SGMS2: variants seen among roughly 807,000 people sequenced by gnomAD.
SGMS2 encodes the protein sphingomyelin synthase 2, also known as phosphatidylcholine:ceramide cholinephosphotransferase 2.
Under a neutral mutation model 43.8 loss-of-function variants are expected in SGMS2, and 21 were observed. The observed-to-expected ratio is 0.48, with a 90% confidence interval of 0.34 to 0.69. SGMS2 has a LOEUF of 0.69. SGMS2 is among the 30% of genes least tolerant of loss of function. The probability of loss-of-function intolerance (pLI) is 0.01; values close to 1 mark genes in which losing one functional copy is unlikely to be tolerated. For synonymous variants in SGMS2, 167 were observed against 160.6 expected (o/e 1.04, Z -0.30); for missense variants, 384 against 443.2 (o/e 0.87, Z 1.20).
intron 1 of SGMS2, among the ~76,000 whole-genome samples, chr4:107,844,183 G>T (rs927029102): frequency 6.6e-6 from 1 of 152,030 alleles, no homozygotes; most frequent in Non-Finnish European, 1.5e-5. Context: ...AGTTAGCCGG[G>T]CATGGAGGTG....
At chr4:107,856,744 C>T (rs1560641086) in intron 1 of SGMS2, among the ~76,000 whole-genome samples, 1 of 152,130 alleles carries the variant, frequency 6.6e-6, no homozygotes, top group East Asian at 1.9e-4. Context: ...CTGCTTGTCC[C>T]TTTTAATGGG....
chr4:107,836,871 G>A (rs968584218), intron 1 of SGMS2, among the ~76,000 whole-genome samples: 1 of 152,146 alleles, frequency 6.6e-6, no homozygotes, highest in African/African-American at 2.4e-5. Context: ...GGCAGGGGAG[G>A]GAAGGGAGAG....
intron 1 of SGMS2, among the ~76,000 whole-genome samples, chr4:107,839,843 A>G (rs935991595): frequency 2.6e-5 from 4 of 152,124 alleles, no homozygotes; most frequent in African/African-American, 7.2e-5. Flanking sequence ...ACATTTTTGA[A>G]TATTGTTCCA....
chr4:107,883,780 A>G (rs1729541247), intron 2 of SGMS2, among the ~76,000 whole-genome samples: 1 of 152,218 alleles, frequency 6.6e-6, no homozygotes, highest in Non-Finnish European at 1.5e-5. Flanking sequence ...CCCTTAAGAT[A>G]AAGTCATAAA....
intron 2 of SGMS2, among the ~76,000 whole-genome samples, chr4:107,873,707 T>A (rs1728709208): frequency 6.6e-6 from 1 of 152,196 alleles, no homozygotes; most frequent in Non-Finnish European, 1.5e-5. Context: ...TACGATTTAC[T>A]GTTGCCACAG....
intron 1 of SGMS2, among the ~76,000 whole-genome samples, chr4:107,851,946 T>C (rs764388614): frequency 7.2e-5 from 11 of 152,168 alleles, no homozygotes; most frequent in African/African-American, 1.4e-4. Flanking sequence ...AGGAAAACTT[T>C]TAAGATTCCA....
rs3079219 is a variant in SGMS2 at position 107,838,422 on chromosome 4, A to ACTTCTT, written c.-327+13188_-327+13193dup. ...TCCACTTTACCCTGTGGGCTAGAGG[A>ACTTCTT]CTTCTTCTTCTTCTTCTTCTTCTTT... is the stretch of plus-strand genomic sequence containing the variant. On this transcript the variant is annotated intron_variant, in intron 1 of 6. Coordinates refer to ENST00000690982, the MANE Select transcript of SGMS2 (RefSeq NM_001375905.1). 7.5e-3 allele frequency among the ~76,000 whole-genome samples: 1,143 copies of ACTTCTT among 151,770 alleles called. 5 individuals are homozygous for ACTTCTT. The highest frequency in any genetic ancestry group is 0.011 in the Non-Finnish European group (732 of 67,908).
At chr4:107,854,723 C>T (rs998166419) in intron 1 of SGMS2, among the ~76,000 whole-genome samples, 19 of 152,262 alleles carry the variant, frequency 1.2e-4, no homozygotes, top group African/African-American at 2.6e-4. Flanking sequence ...GTGAGCCGAT[C>T]ATCAGAGCTG....
chr4:107,853,778 A>G (rs1287653994), intron 1 of SGMS2, among the ~76,000 whole-genome samples: 2 of 152,214 alleles, frequency 1.3e-5, no homozygotes, highest in Admixed American at 1.3e-4. Context: ...AGACAAGTAA[A>G]TCTCTACAAA....
chr4:107,901,588 C>A (rs989626844), intron 4 of SGMS2, among the ~76,000 whole-genome samples: 1 of 152,174 alleles, frequency 6.6e-6, no homozygotes, highest in Non-Finnish European at 1.5e-5. Flanking sequence ...GAAAGCTTTG[C>A]TTTCCTAGTT....
chr4:107,872,342 C>G (rs547550981), intron 2 of SGMS2, among the ~76,000 whole-genome samples: 45 of 152,154 alleles, frequency 3.0e-4, no homozygotes, highest in African/African-American at 1.0e-3. Flanking sequence ...AATAGCCACC[C>G]TTTAACGTCC....
At chr4:107,841,728 A>G (rs1012923381) in intron 1 of SGMS2, among the ~76,000 whole-genome samples, 3 of 152,002 alleles carry the variant, frequency 2.0e-5, no homozygotes, top group Non-Finnish European at 2.9e-5. Context: ...CTGTGGTGCA[A>G]TCACAGCTCA....
chr4:107,873,047 T>A (rs946236525), intron 2 of SGMS2, among the ~76,000 whole-genome samples: 1 of 152,226 alleles, frequency 6.6e-6, no homozygotes, highest in Non-Finnish European at 1.5e-5. Flanking sequence ...TTTATGATTC[T>A]ACCAGCAGCT....
chr4:107,857,487 C>T (rs1173903464), intron 1 of SGMS2, among the ~76,000 whole-genome samples: 1 of 151,066 alleles, frequency 6.6e-6, no homozygotes, highest in African/African-American at 2.4e-5. Context: ...GTACATCCTG[C>T]AGTTGTTAAA....
At chr4:107,841,652 G>C (rs985781203) in intron 1 of SGMS2, among the ~76,000 whole-genome samples, 1 of 151,820 alleles carries the variant, frequency 6.6e-6, no homozygotes, top group African/African-American at 2.4e-5. Flanking sequence ...GTACATTGTA[G>C]GTGTATATAC....
intron 2 of SGMS2, among the ~76,000 whole-genome samples, chr4:107,868,642 C>CAGG (rs1728316386): frequency 6.6e-6 from 1 of 151,944 alleles, no homozygotes; most frequent in Non-Finnish European, 1.5e-5. Context: ...TGCTTGAACC[C>CAGG]AGGAGGAGGA....
intron 1 of SGMS2, among the ~76,000 whole-genome samples, chr4:107,848,951 T>C (rs1432403396): frequency 6.6e-6 from 1 of 152,216 alleles, no homozygotes; most frequent in Admixed American, 6.5e-5. Context: ...GTGTTACATC[T>C]AACAACCTAT....
intron 1 of SGMS2, among the ~76,000 whole-genome samples, chr4:107,841,496 G>A (rs894505830): frequency 6.6e-6 from 1 of 151,852 alleles, no homozygotes; most frequent in Non-Finnish European, 1.5e-5. Context: ...TAGCAGTAGG[G>A]CTCATTTTGA....
intron 2 of SGMS2, among the ~76,000 whole-genome samples, chr4:107,871,206 C>CAG (rs565871037): frequency 2.6e-4 from 40 of 152,056 alleles, no homozygotes; most frequent in South Asian, 1.7e-3. Context: ...AGGCTATTAA[C>CAG]AGAGAGAGAG....
Sources: gnomAD v4.1 joint callset for allele counts (sites outside exome capture counted in the v4.1 genomes callset) on GRCh38, gnomAD v4.1.1 for gene constraint, MANE v1.5 for transcripts, NCBI Gene and HGNC (gene_info 2026-07-23, HGNC 2026-07-21) for gene names.